SCAI: variants seen among roughly 807,000 people sequenced by gnomAD.
SCAI encodes the protein suppressor of cancer cell invasion.
SCAI carries 24 observed loss-of-function variants against 92.2 expected under a neutral mutation model. That is an observed-to-expected ratio of 0.26 (90% CI 0.19 to 0.37). The LOEUF (loss-of-function observed/expected upper bound fraction) is 0.37. Ranked by LOEUF, SCAI falls within the 10% of genes least tolerant of loss-of-function variation. The pLI is 1.00. For missense variants in SCAI, 450 were observed against 736.2 expected (o/e 0.61, Z 4.50); for synonymous variants, 261 against 258.6 (o/e 1.01, Z -0.09).
At position 124,947,282 on chromosome 9, in the gene SCAI, C is replaced by G. The variant is rs756898505; in HGVS notation, c.*5525G>C. On this transcript the variant is annotated 3_prime_UTR_variant, in exon 18 of 18. Transcript: ENST00000336505. Reference sequence around the variant, plus strand: ...GGATCAAGAAAATAAAGGACTACTACAGCCTAAGAATCTGCTGGTGTCTCA... The same window carrying G: ...GGATCAAGAAAATAAAGGACTACTAGAGCCTAAGAATCTGCTGGTGTCTCA... The G allele has an allele frequency of 6.6e-6, 1 of 152,142 alleles. No homozygotes were observed. Among genetic ancestry groups the G allele is most frequent in the Non-Finnish European group, 1.5e-5 (1 of 68,020 alleles). 9.4% of individuals were successfully genotyped at this position (152,142 alleles called of 1,614,324 possible).
At chr9:125,100,272 A>C (rs1413023117) in intron 2 of SCAI, among the ~76,000 whole-genome samples, 1 of 152,248 alleles carries the variant, frequency 6.6e-6, no homozygotes, top group Non-Finnish European at 1.5e-5. Flanking sequence ...GAAGGGAAGA[A>C]AAAGTAGTAA....
intron 11 of SCAI, 103 bp from the exon 12 acceptor site, chr9:125,002,146 T>G: frequency 1.3e-6 from 1 of 797,058 alleles, no homozygotes; most frequent in South Asian, 1.5e-5. Flanking sequence ...TAAATAAGAA[T>G]GCACTGTTGT....
intron 2 of SCAI, among the ~76,000 whole-genome samples, chr9:125,119,167 G>A (rs1835109087): frequency 6.6e-6 from 1 of 152,118 alleles, no homozygotes. Context: ...GGGGATGGGG[G>A]AGCAGTAGTA....
intron 2 of SCAI, among the ~76,000 whole-genome samples, chr9:125,130,045 CCCA>C (rs1835365768): frequency 6.6e-6 from 1 of 151,550 alleles, no homozygotes; most frequent in African/African-American, 2.4e-5. Flanking sequence ...ATTATAGGCG[CCCA>C]CCACCACGCC....
intron 2 of SCAI, among the ~76,000 whole-genome samples, chr9:125,104,884 C>G (rs1206830620): frequency 1.3e-5 from 2 of 149,236 alleles, no homozygotes; most frequent in East Asian, 4.0e-4. Context: ...CTTAAACCTG[C>G]AAGGTGGAGG....
chr9:125,016,387 C>CAATAAATG (rs1554780912), intron 9 of SCAI, among the ~76,000 whole-genome samples: 1 of 131,650 alleles, frequency 7.6e-6, no homozygotes, highest in Non-Finnish European at 1.6e-5. Flanking sequence ...GACTCTGTCT[C>CAATAAATG]AATAAATAAA....
At chr9:125,113,402 A>G (rs1352754759) in intron 2 of SCAI, among the ~76,000 whole-genome samples, 1 of 152,170 alleles carries the variant, frequency 6.6e-6, no homozygotes, top group Non-Finnish European at 1.5e-5. Context: ...AAAGTCATCA[A>G]ATATAAGAGA....
intron 2 of SCAI, among the ~76,000 whole-genome samples, chr9:125,093,567 CTTT>C (rs761646048): frequency 1.2e-4 from 17 of 137,128 alleles, no homozygotes; most frequent in Admixed American, 1.5e-4. Flanking sequence ...ATGACACCTC[CTTT>C]TTTTTTTTTT....
chr9:125,055,618 G>T (rs951924603), intron 3 of SCAI, among the ~76,000 whole-genome samples: 7 of 152,160 alleles, frequency 4.6e-5, no homozygotes, highest in African/African-American at 1.7e-4. Context: ...ATCAGATCTG[G>T]TGTGAGTTAT....
At chr9:125,127,530 C>G (rs1047578893) in intron 2 of SCAI, among the ~76,000 whole-genome samples, 1 of 151,910 alleles carries the variant, frequency 6.6e-6, no homozygotes, top group African/African-American at 2.4e-5. Flanking sequence ...ACACCTGCCC[C>G]CAAGGGCAGA....
In SCAI at chr9:125,028,437, A is replaced by G. The variant is rs751914664; in HGVS notation, c.368T>C (p.Ile123Thr). 1 of 1,603,264 alleles carries G rather than the reference A, an allele frequency of 6.2e-7. No individual in the cohort carries two copies. The highest frequency in any genetic ancestry group is 8.5e-7 in the Non-Finnish European group (1 of 1,175,630). The change falls in exon 5 of 18, where the codon ATA becomes ACA. Residue 123 changes from isoleucine (I) to threonine (T), a missense_variant. By Grantham distance (89) the Ile-to-Thr change is moderately conservative. This residue lies in a region of SCAI where 360 missense variants were observed against 601.8 expected (regional missense o/e 0.60). Transcript: ENST00000336505. ...CCCAATCTTGGAAGCAATTTCTCCT[A>G]TTTGCCAGCGCTTCAAGCCATACCG... Reference protein sequence around the residue: ...DNRYGLKRWQIGEIASKIGQL... With the variant: ...DNRYGLKRWQTGEIASKIGQL...
chr9:125,032,196 T>TATA (rs1491338051), intron 3 of SCAI, among the ~76,000 whole-genome samples: 55 of 65,544 alleles, frequency 8.4e-4, no homozygotes, highest in East Asian at 4.5e-3. Flanking sequence ...TATATATATA[T>TATA]TTTTTTTTTT....
At chr9:125,133,987 G>A (rs1835460864) in intron 2 of SCAI, among the ~76,000 whole-genome samples, 2 of 152,136 alleles carry the variant, frequency 1.3e-5, no homozygotes, top group Non-Finnish European at 2.9e-5. Flanking sequence ...ATGTCCCTTA[G>A]GAGGCAAAAC....
intron 2 of SCAI, among the ~76,000 whole-genome samples, chr9:125,070,969 A>G (rs2131162078): frequency 6.6e-6 from 1 of 152,226 alleles, no homozygotes; most frequent in East Asian, 1.9e-4. Flanking sequence ...TTTCCCCCAT[A>G]CTGTTCTCAT....
chr9:124,952,820 A>G lies in SCAI; in HGVS notation c.1808T>C (p.Ile603Thr), dbSNP rs770069119. ...DVRNVFFENT[I>T]DDY ...AGGGTTTTTGTTTTAATAGTCATCAATGGTATTCTCAAAGAACACGTTTCG... is the reference window on the plus strand; with the variant it reads ...AGGGTTTTTGTTTTAATAGTCATCAGTGGTATTCTCAAAGAACACGTTTCG... The change falls in exon 18 of 18, where the codon ATT becomes ACT. Residue 603 changes from isoleucine to threonine, a missense_variant. By Grantham distance (89) the Ile-to-Thr change is moderately conservative. This residue lies in a region of SCAI where 360 missense variants were observed against 601.8 expected (regional missense o/e 0.60). Transcript: ENST00000336505. 7 of 1,612,494 alleles carry G rather than the reference A, an allele frequency of 4.3e-6. No homozygotes were observed. Among genetic ancestry groups the G allele is most frequent in the East Asian group, 2.2e-5 (1 of 44,826 alleles).
chr9:125,073,111 T>C (rs1195435841), intron 2 of SCAI, among the ~76,000 whole-genome samples: 1 of 119,026 alleles, frequency 8.4e-6, no homozygotes, highest in African/African-American at 3.1e-5. Flanking sequence ...TTTTTTTTTT[T>C]TTTTTTTTTT....
chr9:125,116,915 TATC>T (rs1835057435), intron 2 of SCAI, among the ~76,000 whole-genome samples: 1 of 152,210 alleles, frequency 6.6e-6, no homozygotes, highest in African/African-American at 2.4e-5. Context: ...CCCTTTCACT[TATC>T]ATATTTATTC....
Position 125,133,440 on chromosome 9 carries a change from T to A in SCAI, c.98+9193A>T, listed in dbSNP as rs184139489. On this transcript the variant is annotated intron_variant, in intron 2 of 17. Coordinates refer to ENST00000336505, the MANE Select transcript of SCAI (RefSeq NM_001144877.3). ...TTTTAAATTTTGTTTTTAGAATACA[T>A]AAAGAACTCTTACAACTATGTAAGA... Among the ~76,000 whole-genome samples the A allele has an allele frequency of 1.3e-3, 192 of 152,094 alleles. 3 individuals carry two copies. Among genetic ancestry groups the A allele is most frequent in the African/African-American group, 4.5e-3 (188 of 41,484 alleles).
intron 17 of SCAI, among the ~76,000 whole-genome samples, chr9:124,966,746 T>C (rs1266445703): frequency 1.3e-5 from 2 of 152,112 alleles, no homozygotes; most frequent in Non-Finnish European, 2.9e-5. Flanking sequence ...GAAAATATTT[T>C]ACTTAGCTTC....
Sources: allele counts gnomAD v4.1 joint callset (sites outside exome capture counted in the v4.1 genomes callset), GRCh38; gene constraint gnomAD v4.1.1; regional missense constraint gnomAD v4.1.1; transcripts MANE v1.5; gene names NCBI Gene and HGNC (gene_info 2026-07-23, HGNC 2026-07-21).